The following MILR1 variants were observed in gnomAD, a reference collection of about 807,000 sequenced individuals.
MILR1 encodes mast cell immunoglobulin like receptor 1.
Under a neutral mutation model 18.5 loss-of-function variants are expected in MILR1, and 31 were observed. That is an observed-to-expected ratio of 1.68 (90% confidence interval 1.26 to 2.26). The LOEUF is 2.26. MILR1 is among the 30% of genes most tolerant of loss of function. The pLI, the probability that MILR1 is intolerant of heterozygous loss-of-function variation, is 0.00. For synonymous variants in MILR1, 85 were observed against 56.2 expected (o/e 1.51, Z -2.30); for missense variants, 257 against 157.4 (o/e 1.63, Z -3.38).
At chr17:64,489,939 T>C in the MILR1 span, among the ~76,000 whole-genome samples, 7 of 152,152 alleles carry the variant, frequency 4.6e-5, no homozygotes, top group African/African-American at 1.7e-4. Flanking sequence ...TTGTTTTTTT[T>C]TTTTGAGACA....
the MILR1 span, chr17:64,487,135 T>C: frequency 6.6e-6 from 1 of 152,186 alleles, no homozygotes. Context: ...CTTCTGTTAA[T>C]TATTCATGAT....
At chr17:64,492,715 G>T in the MILR1 span, 1 of 1,613,272 alleles carries the variant, frequency 6.2e-7, no homozygotes, top group Non-Finnish European at 8.5e-7. Flanking sequence ...CAAGCCACTG[G>T]TTTGAAGTTC....
the MILR1 span, among the ~76,000 whole-genome samples, chr17:64,477,434 T>C: frequency 6.6e-6 from 1 of 152,140 alleles, no homozygotes; most frequent in African/African-American, 2.4e-5. Context: ...CTAACTAGAA[T>C]GATAATTAGG....
chr17:64,490,100 T>C, the MILR1 span, among the ~76,000 whole-genome samples: 2 of 152,142 alleles, frequency 1.3e-5, no homozygotes, highest in Non-Finnish European at 2.9e-5. Context: ...AATTTTTGTA[T>C]TTTTAGTAGA....
the MILR1 span, chr17:64,496,532 C>T: frequency 6.2e-7 from 1 of 1,613,902 alleles, no homozygotes; most frequent in Non-Finnish European, 8.5e-7. Context: ...AGAAACTAAC[C>T]TGAAGGCACT....
downstream of MILR1, among the ~76,000 whole-genome samples, chr17:64,469,095 A>C (rs2037646372): frequency 6.6e-6 from 1 of 152,062 alleles, no homozygotes; most frequent in African/African-American, 2.4e-5. Flanking sequence ...TTAAGAAAAG[A>C]AAAGAGAAAA....
At chr17:64,496,944 C>T in the MILR1 span, 1 of 1,608,816 alleles carries the variant, frequency 6.2e-7, no homozygotes, top group South Asian at 1.1e-5. Flanking sequence ...TTATGGCAGG[C>T]CCTGACGGCT....
chr17:64,476,982 ATAAAAGT>A, the MILR1 span, among the ~76,000 whole-genome samples: 3 of 152,244 alleles, frequency 2.0e-5, no homozygotes, highest in Non-Finnish European at 2.9e-5. Flanking sequence ...ATATCAACAC[ATAAAAGT>A]TAAAAGATTT....
chr17:64,490,798 G>A, the MILR1 span: 2 of 1,610,704 alleles, frequency 1.2e-6, no homozygotes, highest in Non-Finnish European at 1.7e-6. Context: ...AAACATACAT[G>A]TAATTTAGAC....
chr17:64,472,063 A>C (rs947233038), downstream of MILR1, among the ~76,000 whole-genome samples: 1 of 152,220 alleles, frequency 6.6e-6, no homozygotes, highest in Non-Finnish European at 1.5e-5. Context: ...TGAAGTGGGG[A>C]GGACTTTTAT....
chr17:64,488,231 C>A, the MILR1 span, among the ~76,000 whole-genome samples: 2 of 150,954 alleles, frequency 1.3e-5, no homozygotes, highest in African/African-American at 4.9e-5. Flanking sequence ...AAGAAATGGC[C>A]TCAGAAACAT....
the MILR1 span, chr17:64,480,306 C>T: frequency 1.9e-6 from 3 of 1,555,704 alleles, no homozygotes; most frequent in Non-Finnish European, 2.7e-6. Context: ...AAAGTTGTTC[C>T]AATGAGGACT....
At chr17:64,474,446 C>G in the MILR1 span, among the ~76,000 whole-genome samples, 1 of 152,214 alleles carries the variant, frequency 6.6e-6, no homozygotes, top group East Asian at 1.9e-4. Context: ...GTGATCCAAG[C>G]TCCCTGCGGC....
chr17:64,472,020 TAGA>T (rs1184282614), downstream of MILR1, among the ~76,000 whole-genome samples: 1 of 152,170 alleles, frequency 6.6e-6, no homozygotes, highest in African/African-American at 2.4e-5. Context: ...ACAGAAGAGC[TAGA>T]AGAATATGCA....
rs1020409915 is a variant in MILR1 at position 64,456,465 on chromosome 17, G to A, written c.368-935G>A. 3.0e-3 allele frequency among the ~76,000 whole-genome samples: 457 copies of A among 152,206 alleles called. 2 individuals are homozygous for A. The highest frequency in any genetic ancestry group is 9.1e-3 in the South Asian group (44 of 4,820). ...TTACTTCCTGCTCTTTGGAGGAAGT[G>A]AAAGATAATTGTGCAGCTGAGTTCT... On this transcript the variant is annotated intron_variant, in intron 3 of 9. Coordinates refer to ENST00000619286, the MANE Select transcript of MILR1 (RefSeq NM_001085423.2).
At chr17:64,476,209 A>G in the MILR1 span, among the ~76,000 whole-genome samples, 1 of 152,210 alleles carries the variant, frequency 6.6e-6, no homozygotes, top group Non-Finnish European at 1.5e-5. Context: ...TCTGTCAGAC[A>G]AGGATTTTTT....
intron 3 of MILR1, among the ~76,000 whole-genome samples, chr17:64,456,121 T>G (rs912884162): frequency 5.8e-4 from 88 of 152,238 alleles, no homozygotes; most frequent in South Asian, 3.7e-3. Flanking sequence ...GGCCATTTAC[T>G]AGCTGTGTGA....
At chr17:64,488,566 A>C in the MILR1 span, among the ~76,000 whole-genome samples, 5 of 152,294 alleles carry the variant, frequency 3.3e-5, no homozygotes, top group Non-Finnish European at 7.4e-5. Flanking sequence ...GAACAAAATA[A>C]GACACTAATA....
the MILR1 span, among the ~76,000 whole-genome samples, chr17:64,489,655 G>A: frequency 2.6e-5 from 4 of 152,078 alleles, no homozygotes; most frequent in Non-Finnish European, 4.4e-5. Flanking sequence ...AGCTACTTGG[G>A]AGGCTGAGGC....
Sources: gnomAD v4.1 joint callset for allele counts (sites outside exome capture counted in the v4.1 genomes callset) on GRCh38, gnomAD v4.1.1 for gene constraint, MANE v1.5 for transcripts, NCBI Gene and HGNC (gene_info 2026-07-23, HGNC 2026-07-21) for gene names.